Variants in BCR observed in about 807,000 individuals in gnomAD.
BCR encodes BCR activator of RhoGEF and GTPase.
In BCR, 58 loss-of-function variants were observed where a neutral mutation model predicts 138.6. That is an observed-to-expected ratio of 0.42 (90% CI 0.34 to 0.52). BCR has a LOEUF of 0.52. BCR is among the 20% of genes least tolerant of loss of function. The pLI is 0.06. For synonymous variants in BCR, 786 were observed against 730.1 expected, an observed-to-expected ratio of 1.08 and a Z score of -1.23; for missense variants, 1,599 against 1,727.2, an observed-to-expected ratio of 0.93 and a Z score of 1.32.
intron 1 of BCR, among the ~76,000 whole-genome samples, chr22:23,245,242 A>G (rs925995751): frequency 3.2e-4 from 48 of 152,138 alleles, no homozygotes; most frequent in African/African-American, 1.1e-3. Context: ...CTGGGGAGTC[A>G]AGGCATCAGG....
At chr22:23,235,681 T>C (rs1023346571) in intron 1 of BCR, among the ~76,000 whole-genome samples, 1 of 152,154 alleles carries the variant, frequency 6.6e-6, no homozygotes, top group Non-Finnish European at 1.5e-5. Flanking sequence ...ATAACAAAAA[T>C]GCCATAAACT....
At chr22:23,309,276 C>T in intron 16 of BCR, 148 bp from the exon 17 acceptor site, 1 of 756,616 alleles carries the variant, frequency 1.3e-6, no homozygotes, top group Non-Finnish European at 2.3e-6. Flanking sequence ...CCTTACTCTA[C>T]CTCTGTTGGC....
chr22:23,277,741 C>A (rs188719389), intron 8 of BCR, among the ~76,000 whole-genome samples: 4 of 152,182 alleles, frequency 2.6e-5, no homozygotes, highest in Non-Finnish European at 5.9e-5. Flanking sequence ...GTCAGCCACC[C>A]CAGCCCCAGA....
intron 16 of BCR, among the ~76,000 whole-genome samples, chr22:23,297,331 T>G (rs1163442103): frequency 6.7e-6 from 1 of 150,310 alleles, no homozygotes; most frequent in Non-Finnish European, 1.5e-5. Context: ...TTCTCCTGCC[T>G]CAGCCTCCCA....
chr22:23,237,673 G>T (rs2146251100), intron 1 of BCR, among the ~76,000 whole-genome samples: 1 of 152,328 alleles, frequency 6.6e-6, no homozygotes, highest in African/African-American at 2.4e-5. Flanking sequence ...CAGGGTGGTG[G>T]CCTTTGCAGT....
At chr22:23,294,515 C>G (rs2073824267) in intron 15 of BCR, among the ~76,000 whole-genome samples, 1 of 152,200 alleles carries the variant, frequency 6.6e-6, no homozygotes, top group Non-Finnish European at 1.5e-5. Flanking sequence ...ATTCTCGTGC[C>G]TCAGCCTTAC....
chr22:23,202,895 G>A (rs962948884), intron 1 of BCR, among the ~76,000 whole-genome samples: 3 of 151,270 alleles, frequency 2.0e-5, no homozygotes, highest in South Asian at 2.1e-4. Context: ...ACAGGATCTC[G>A]CTCTGCCATC....
At chr22:23,212,222 C>A (rs1208247222) in intron 1 of BCR, among the ~76,000 whole-genome samples, 5 of 152,170 alleles carry the variant, frequency 3.3e-5, no homozygotes, top group African/African-American at 1.2e-4. Flanking sequence ...CCACATGGAC[C>A]CCTACAGCCC....
At chr22:23,283,635 C>T (rs977558801) in intron 8 of BCR, 1 of 216,662 alleles carries the variant, frequency 4.6e-6, no homozygotes, top group African/African-American at 2.3e-5. Flanking sequence ...CACCCATCTT[C>T]ACAGCAGACT....
chr22:23,291,515 G>A lies in BCR; in HGVS notation c.2783-1026G>A, dbSNP rs187648546. 3.7e-4 allele frequency among the ~76,000 whole-genome samples: 56 copies of A among 151,876 alleles called. 1 individual carries two copies. Among genetic ancestry groups the A allele is most frequent in the Admixed American group, 5.9e-4 (9 of 15,256 alleles). On this transcript the variant is annotated intron_variant, in intron 14 of 22. Transcript: ENST00000305877. The stretch of plus-strand genomic sequence containing the variant: ...CCTCATAAACGCTGGTGTTTCCCTC[G>A]TGGGCCTCCCTGCATCCCTGCATCT...
intron 2 of BCR, 74 bp from the exon 3 acceptor site, chr22:23,260,876 C>T (rs768888530): frequency 7.2e-7 from 1 of 1,391,036 alleles, no homozygotes. Context: ...GCTGGCCCTC[C>T]TCTCTCAGAG....
chr22:23,264,550 C>T, intron 4 of BCR: 1 of 494,648 alleles, frequency 2.0e-6, no homozygotes, highest in Non-Finnish European at 3.7e-6. Context: ...GATGCAGTCC[C>T]TCCCAGGAAC....
chr22:23,263,794 A>T lies in BCR; in HGVS notation c.1752+2254A>T. Reference sequence around the variant, plus strand: ...AGTGGCTCCAGGGACAGGACGGCCAAGGTGTGGCCTTTGGCCTCAGGCCAG... The same window carrying T: ...AGTGGCTCCAGGGACAGGACGGCCATGGTGTGGCCTTTGGCCTCAGGCCAG... On this transcript the variant is annotated intron_variant, in intron 4 of 22. Transcript: ENST00000305877. 1.7e-5 allele frequency: 24 copies of T among 1,379,658 alleles called. No homozygotes were observed. In the South Asian group the frequency reaches 2.7e-4, roughly 15 times the overall value. The allele number at this position is 1,379,658 out of a possible 1,614,324, so 85.5% of individuals were successfully genotyped here. A position where few individuals can be genotyped will look rare whatever the true frequency, so the allele number is the denominator to read the frequency against.
chr22:23,197,077 A>G (rs936224341), intron 1 of BCR, among the ~76,000 whole-genome samples: 2 of 152,234 alleles, frequency 1.3e-5, no homozygotes, highest in Non-Finnish European at 2.9e-5. Context: ...GTCATGCACC[A>G]CATAACGACA....
intron 1 of BCR, among the ~76,000 whole-genome samples, chr22:23,205,935 C>A (rs565708298): frequency 3.9e-5 from 6 of 152,238 alleles, no homozygotes; most frequent in Non-Finnish European, 8.8e-5. Flanking sequence ...GTGATGCAAT[C>A]GATGACAGAG....
intron 1 of BCR, among the ~76,000 whole-genome samples, chr22:23,243,315 G>C (rs568443157): frequency 2.0e-5 from 3 of 152,274 alleles, no homozygotes; most frequent in African/African-American, 7.2e-5. Context: ...TCTGGGGATG[G>C]GGAGAGGGGT....
chr22:23,205,974 C>G (rs1429665314), intron 1 of BCR, among the ~76,000 whole-genome samples: 1 of 152,154 alleles, frequency 6.6e-6, no homozygotes, highest in Non-Finnish European at 1.5e-5. Flanking sequence ...CATCTGTGCT[C>G]AGGAGCTCAC....
At chr22:23,225,080 G>A (rs892094122) in intron 1 of BCR, among the ~76,000 whole-genome samples, 4 of 152,024 alleles carry the variant, frequency 2.6e-5, no homozygotes, top group Admixed American at 2.6e-4. Context: ...AGCCTGCCTG[G>A]AGCAGGATAA....
At chr22:23,301,195 A>T (rs1398739492) in intron 16 of BCR, among the ~76,000 whole-genome samples, 1 of 152,256 alleles carries the variant, frequency 6.6e-6, no homozygotes, top group Non-Finnish European at 1.5e-5. Context: ...AGTCCCAGCT[A>T]CTCGGGAAGC....
Sources: allele counts gnomAD v4.1 joint callset (sites outside exome capture counted in the v4.1 genomes callset), GRCh38; gene constraint gnomAD v4.1.1; transcripts MANE v1.5; gene names NCBI Gene and HGNC (gene_info 2026-07-23, HGNC 2026-07-21).